The following DGCR8 variants were observed in gnomAD, a reference collection of about 807,000 sequenced individuals.
DGCR8 encodes microprocessor complex subunit DGCR8.
In DGCR8, 14 loss-of-function variants were observed where a neutral mutation model predicts 78.5. That is an observed-to-expected ratio of 0.18 (90% CI 0.12 to 0.28). The LOEUF (loss-of-function observed/expected upper bound fraction) is 0.28, where lower values mean the gene tolerates loss of function less well. Ranked by LOEUF, DGCR8 falls within the 10% of genes least tolerant of loss-of-function variation. The pLI is 1.00. For missense variants in DGCR8, 702 were observed against 1,022.5 expected (o/e 0.69, Z 4.28); for synonymous variants, 399 against 402.4 (o/e 0.99, Z 0.10).
chr22:20,092,549 C>T (rs1227362243), intron 7 of DGCR8, among the ~76,000 whole-genome samples: 2 of 152,158 alleles, frequency 1.3e-5, no homozygotes, highest in South Asian at 2.1e-4. Flanking sequence ...AGGCTCTGCC[C>T]CCAGCCTCCT....
At chr22:20,104,783 AGG>A (rs35870306) in intron 9 of DGCR8, among the ~76,000 whole-genome samples, 1 of 152,224 alleles carries the variant, frequency 6.6e-6, no homozygotes, top group Non-Finnish European at 1.5e-5. Context: ...TGCCAACCTC[AGG>A]GCTAGTGCCT....
At position 20,080,271 on chromosome 22, in the gene DGCR8, C is replaced by T. The variant is rs1280352157; in HGVS notation, c.-390C>T. On this transcript the variant is annotated 5_prime_UTR_variant, in exon 1 of 14. Transcript: ENST00000351989. ...CTCGCCCGGCGCGGCAGGCGGGTGC[C>T]GGCGACCGGAGAGCCTGGACAGGCT... 9.2e-6 allele frequency: 9 copies of T among 980,284 alleles called. No individual in the cohort carries two copies. Among genetic ancestry groups the T allele is most frequent in the Non-Finnish European group, 1.1e-5 (9 of 827,584 alleles). The allele number at this position is 980,284 out of a possible 1,614,324, so 60.7% of individuals were successfully genotyped here. A position where few individuals can be genotyped will look rare whatever the true frequency, so the allele number is the denominator to read the frequency against.
intron 9 of DGCR8, chr22:20,101,414 A>C: frequency 4.3e-6 from 3 of 693,734 alleles, no homozygotes; most frequent in Non-Finnish European, 5.3e-6. Flanking sequence ...GTCTCTACTA[A>C]AAACATACAA....
chr22:20,082,873 T>A (rs2049433939), intron 1 of DGCR8, among the ~76,000 whole-genome samples: 1 of 151,690 alleles, frequency 6.6e-6, no homozygotes, highest in African/African-American at 2.4e-5. Context: ...GAGGTTTGGT[T>A]GCCACTGCTA....
Position 20,085,791 on chromosome 22 carries a change from A to C in DGCR8, c.-173A>C. Reference sequence around the variant, plus strand: ...TTCCAATAATTGAGGCAGTGGTTCTAAAAGCTGTCTACATTAATGAAAAGA... The same window carrying C: ...TTCCAATAATTGAGGCAGTGGTTCTCAAAGCTGTCTACATTAATGAAAAGA... On this transcript the variant is annotated 5_prime_UTR_variant, in exon 2 of 14. Transcript: ENST00000351989. The surrounding 1 kb of genome is among the most constrained non-coding windows in gnomAD (Gnocchi z 6.2). 1 of 1,451,002 alleles carries C rather than the reference A, an allele frequency of 6.9e-7. No homozygotes were observed. Among genetic ancestry groups the C allele is most frequent in the Non-Finnish European group, 9.0e-7 (1 of 1,109,568 alleles). The allele number at this position is 1,451,002 out of a possible 1,614,324, so 89.9% of individuals were successfully genotyped here. A position where few individuals can be genotyped will look rare whatever the true frequency, so the allele number is the denominator to read the frequency against.
intron 5 of DGCR8, among the ~76,000 whole-genome samples, chr22:20,091,132 A>G (rs182997401): frequency 6.6e-6 from 1 of 152,348 alleles, no homozygotes; most frequent in East Asian, 1.9e-4. Context: ...CTGTTTTGAT[A>G]CAGGGAGGAA....
Position 20,090,142 on chromosome 22 carries a change from CTA to C in DGCR8, c.1192_1193del (p.Met398GlyfsTer3), listed in dbSNP as rs1220389795. The C allele has an allele frequency of 6.2e-7, 1 of 1,614,262 alleles. No individual in the cohort carries two copies. The highest frequency in any genetic ancestry group is 8.5e-7 in the Non-Finnish European group (1 of 1,180,046). On this transcript the variant is annotated frameshift_variant, in exon 5 of 14. Coordinates refer to ENST00000351989, the MANE Select transcript of DGCR8 (RefSeq NM_022720.7). LOFTEE classifies it high-confidence loss of function. The stretch of plus-strand genomic sequence containing the variant: ...GAGTTTCCCCTGGATGAGCCTGACT[CTA>C]TGGGTGCTGACCCGGGGCCCCCGGA...
At chr22:20,092,736 G>T (rs752167657) in intron 7 of DGCR8, 73 bp from the exon 8 acceptor site, 8 of 1,329,444 alleles carry the variant, frequency 6.0e-6, no homozygotes, top group Admixed American at 1.8e-5. Context: ...TTGTCTGTCG[G>T]TGTGGGCAGA....
rs1007646450 is a variant in DGCR8 at position 20,111,564 on chromosome 22, G to A, written c.*1456G>A. The A allele has an allele frequency of 1.5e-5, 6 of 397,446 alleles. No individual in the cohort carries two copies. Among genetic ancestry groups the A allele is most frequent in the Non-Finnish European group, 2.7e-5 (6 of 225,946 alleles). The allele number at this position is 397,446 out of a possible 1,614,324, so 24.6% of individuals were successfully genotyped here. On this transcript the variant is annotated 3_prime_UTR_variant, in exon 14 of 14. Coordinates refer to ENST00000351989, the MANE Select transcript of DGCR8 (RefSeq NM_022720.7). ...TGTGAATAGTCATTTGACTGTGACT[G>A]TTGCCCTTAGCCAGCCAGATGCGCC...
intron 9 of DGCR8, among the ~76,000 whole-genome samples, chr22:20,104,932 G>A (rs1471701585): frequency 2.0e-5 from 3 of 152,222 alleles, no homozygotes; most frequent in Non-Finnish European, 2.9e-5. Context: ...CCTGCACAGC[G>A]AGGCGTGTGA....
chr22:20,108,722 G>T, intron 12 of DGCR8, 168 bp from the exon 13 acceptor site: 1 of 526,034 alleles, frequency 1.9e-6, no homozygotes. Flanking sequence ...GCATCACTGA[G>T]GCGGGCCAGT....
At chr22:20,102,732 A>T (rs769176463) in intron 9 of DGCR8, among the ~76,000 whole-genome samples, 5 of 152,116 alleles carry the variant, frequency 3.3e-5, no homozygotes, top group African/African-American at 4.8e-5. Flanking sequence ...TGAAGTCTTG[A>T]TACTGGGAGT....
At chr22:20,088,937 C>T (rs961034551) in intron 3 of DGCR8, among the ~76,000 whole-genome samples, 6 of 152,154 alleles carry the variant, frequency 3.9e-5, no homozygotes, top group Admixed American at 2.0e-4. Context: ...TGTATGCCAC[C>T]ATGCCTGGAT....
At chr22:20,101,958 A>G in intron 9 of DGCR8, 2 of 985,320 alleles carry the variant, frequency 2.0e-6, no homozygotes, top group Non-Finnish European at 2.4e-6. Flanking sequence ...AAAAGGGAAA[A>G]AAGGAACAAC....
rs376620393 is a variant in DGCR8, at chr22:20,101,381, C to G, written c.1789-4796C>G. On this transcript the variant is annotated intron_variant, in intron 9 of 13. Coordinates refer to ENST00000351989, the MANE Select transcript of DGCR8 (RefSeq NM_022720.7). ...TACGAGGTAAGGACATCGAGACCAT[C>G]CTGGCTAACACGGTGAAACCCCGTC... 25 of 785,814 alleles carry G rather than the reference C, an allele frequency of 3.2e-5. No individual in the cohort carries two copies. In the East Asian group the frequency reaches 1.8e-3, roughly 56 times the overall value. 48.7% of individuals were successfully genotyped at this position (785,814 alleles called of 1,614,324 possible).
Position 20,104,742 on chromosome 22 carries a change from T to C in DGCR8, c.1789-1435T>C, listed in dbSNP as rs368008514. Among the ~76,000 whole-genome samples, 39 of 152,376 alleles carry C rather than the reference T, an allele frequency of 2.6e-4. 1 individual carries two copies. Among genetic ancestry groups the C allele is most frequent in the African/African-American group, 9.1e-4 (38 of 41,592 alleles). Reference sequence around the variant, plus strand: ...CTTCTGGGGACCTATTTGAAGACAGTAGCCAAGCCATACCTCGAGGATTTT... The same window carrying C: ...CTTCTGGGGACCTATTTGAAGACAGCAGCCAAGCCATACCTCGAGGATTTT... On this transcript the variant is annotated intron_variant, in intron 9 of 13. Coordinates refer to ENST00000351989, the MANE Select transcript of DGCR8 (RefSeq NM_022720.7).
At chr22:20,099,016 A>C (rs2049663679) in intron 9 of DGCR8, among the ~76,000 whole-genome samples, 1 of 152,142 alleles carries the variant, frequency 6.6e-6, no homozygotes, top group Non-Finnish European at 1.5e-5. Flanking sequence ...CCTTTAGCTG[A>C]GTGGTCTCCT....
In DGCR8 at chr22:20,092,945, C is replaced by T. The variant is rs1015962470; in HGVS notation, c.1705+38C>T. ...CTTGGGTGTCAAAGATACGTGCTGC[C>T]TGCTGTGTCTGCCTCGCTGCTTGGT... is the stretch of plus-strand genomic sequence containing the variant. On this transcript the variant is annotated intron_variant, in intron 8 of 13. Coordinates refer to ENST00000351989, the MANE Select transcript of DGCR8 (RefSeq NM_022720.7). The T allele has an allele frequency of 5.2e-6, 8 of 1,532,562 alleles. No homozygotes were observed. The Middle Eastern group carries it at 1.0e-3, about 198-fold the overall frequency. 94.9% of individuals were successfully genotyped at this position (1,532,562 alleles called of 1,614,324 possible).
chr22:20,111,283 TG>T lies in DGCR8; in HGVS notation c.*1177del. 1 of 398,526 alleles carries T rather than the reference TG, an allele frequency of 2.5e-6. No homozygotes were observed. Among genetic ancestry groups the T allele is most frequent in the African/African-American group, 2.1e-5 (1 of 48,598 alleles). 24.7% of individuals were successfully genotyped at this position (398,526 alleles called of 1,614,324 possible). ...ACCTGTGCAGAGTGCCGTGTGCTTG[TG>T]GTGCGCCATCTGAAGCAAGAGTCCA... is the stretch of plus-strand genomic sequence containing the variant. On this transcript the variant is annotated 3_prime_UTR_variant, in exon 14 of 14. Transcript: ENST00000351989.
Sources: gnomAD v4.1 joint callset for allele counts (sites outside exome capture counted in the v4.1 genomes callset) on GRCh38, gnomAD v4.1.1 for gene constraint, Gnocchi (gnomAD v3.1) non-coding constraint, MANE v1.5 for transcripts, NCBI Gene and HGNC (gene_info 2026-07-23, HGNC 2026-07-21) for gene names.